NCOA1: variants seen among roughly 807,000 people sequenced by gnomAD.
NCOA1 encodes Hin-2 protein.
NCOA1 carries 35 observed loss-of-function variants against 150.9 expected under a neutral mutation model. The observed-to-expected ratio is 0.23, with a 90% CI of 0.18 to 0.31. NCOA1 has a LOEUF of 0.31. Among genes scored for constraint, NCOA1 ranks in the 10% least tolerant of loss-of-function variants. The pLI, the probability that NCOA1 is intolerant of heterozygous loss-of-function variation, is 1.00. For missense variants in NCOA1, 1,491 were observed against 1,749.3 expected (o/e 0.85, Z 2.63); for synonymous variants, 590 against 630.0 (o/e 0.94, Z 0.95).
chr2:24,756,996 A>G (rs1664537956), intron 20 of NCOA1, among the ~76,000 whole-genome samples: 1 of 152,194 alleles, frequency 6.6e-6, no homozygotes, highest in Non-Finnish European at 1.5e-5. Flanking sequence ...AAGACCTTGG[A>G]AGTCTTTAAA....
At chr2:24,691,432 G>T in intron 8 of NCOA1, 49 bp from the exon 9 acceptor site, 1 of 1,557,240 alleles carries the variant, frequency 6.4e-7, no homozygotes, top group Middle Eastern at 1.7e-4. Context: ...TTCAGAGTTT[G>T]TGCTTTTTCA....
intron 1 of NCOA1, among the ~76,000 whole-genome samples, chr2:24,521,954 C>T (rs1446184940): frequency 6.6e-6 from 1 of 152,068 alleles, no homozygotes; most frequent in African/African-American, 2.4e-5. Context: ...GTCTAGTATC[C>T]TCATCCCCTT....
At chr2:24,642,458 C>G (rs1670276929) in intron 3 of NCOA1, among the ~76,000 whole-genome samples, 1 of 151,892 alleles carries the variant, frequency 6.6e-6, no homozygotes, top group Non-Finnish European at 1.5e-5. Flanking sequence ...TCTGGAGTTA[C>G]ATTTTCTACC....
chr2:24,748,860 GATGTA>G (rs893538845), intron 19 of NCOA1, among the ~76,000 whole-genome samples: 25 of 152,208 alleles, frequency 1.6e-4, no homozygotes, highest in African/African-American at 5.8e-4. Context: ...ACATGTTTGT[GATGTA>G]ATGTTGAGGG....
chr2:24,505,281 G>A (rs536042558), intron 1 of NCOA1, among the ~76,000 whole-genome samples: 141 of 151,938 alleles, frequency 9.3e-4, no homozygotes, highest in Non-Finnish European at 1.3e-3. Context: ...CCGCCTCCTG[G>A]GTTCAAGCGA....
At chr2:24,500,249 C>T (rs568796738) in intron 1 of NCOA1, among the ~76,000 whole-genome samples, 1 of 152,298 alleles carries the variant, frequency 6.6e-6, no homozygotes, top group African/African-American at 2.4e-5. Flanking sequence ...GCTGGGATTA[C>T]AGGCATGTGC....
chr2:24,760,870 CAG>C (rs1342531698), intron 21 of NCOA1, among the ~76,000 whole-genome samples: 2 of 150,666 alleles, frequency 1.3e-5, no homozygotes, highest in East Asian at 4.0e-4. Context: ...TTTTTTGAGA[CAG>C]AGTCTCACTC....
At chr2:24,746,132 T>C (rs1285123604) in intron 19 of NCOA1, among the ~76,000 whole-genome samples, 1 of 152,252 alleles carries the variant, frequency 6.6e-6, no homozygotes, top group African/African-American at 2.4e-5. Context: ...TCACAGTGAA[T>C]AGATGCTTAA....
intron 7 of NCOA1, among the ~76,000 whole-genome samples, chr2:24,674,127 G>A (rs1572573903): frequency 7.1e-6 from 1 of 141,122 alleles, no homozygotes; most frequent in African/African-American, 2.5e-5. Flanking sequence ...GTATGTATGT[G>A]TGTGTGTGTG....
intron 3 of NCOA1, among the ~76,000 whole-genome samples, chr2:24,643,619 A>T (rs1439457877): frequency 6.6e-6 from 1 of 152,214 alleles, no homozygotes; most frequent in Non-Finnish European, 1.5e-5. Flanking sequence ...AACTGAAAAC[A>T]TGAAAAAAAT....
intron 1 of NCOA1, among the ~76,000 whole-genome samples, chr2:24,553,596 A>G (rs1422425116): frequency 6.6e-6 from 1 of 152,034 alleles, no homozygotes; most frequent in African/African-American, 2.4e-5. Flanking sequence ...ACATTGATGG[A>G]TTTTCTTTCA....
intron 1 of NCOA1, among the ~76,000 whole-genome samples, chr2:24,515,109 T>G (rs1451248723): frequency 6.6e-6 from 1 of 152,370 alleles, no homozygotes; most frequent in East Asian, 1.9e-4. Flanking sequence ...TAAAAAAGAT[T>G]ATTTTTGTTT....
intron 7 of NCOA1, among the ~76,000 whole-genome samples, chr2:24,681,469 GTAT>G (rs1672164378): frequency 6.9e-6 from 1 of 144,784 alleles, no homozygotes; most frequent in African/African-American, 2.9e-5. Flanking sequence ...GTCATTTTCA[GTAT>G]CACGTCATTT....
At chr2:24,754,148 A>G (rs538769274) in intron 20 of NCOA1, among the ~76,000 whole-genome samples, 1 of 152,110 alleles carries the variant, frequency 6.6e-6, no homozygotes, top group Non-Finnish European at 1.5e-5. Context: ...GCAAGCCACA[A>G]TCATCTTTTC....
intron 14 of NCOA1, among the ~76,000 whole-genome samples, chr2:24,721,445 A>G (rs1674353666): frequency 6.6e-6 from 1 of 152,166 alleles, no homozygotes; most frequent in Admixed American, 6.5e-5. Context: ...ACTGGTAGCT[A>G]GTGTATTTCT....
At chr2:24,600,270 A>T (rs1458097046) in intron 3 of NCOA1, among the ~76,000 whole-genome samples, 1 of 152,178 alleles carries the variant, frequency 6.6e-6, no homozygotes, top group East Asian at 1.9e-4. Flanking sequence ...TGGTGGTGCA[A>T]TGTTGGCTCA....
chr2:24,627,091 T>C (rs1290015023), intron 3 of NCOA1, among the ~76,000 whole-genome samples: 1 of 151,200 alleles, frequency 6.6e-6, no homozygotes, highest in Non-Finnish European at 1.5e-5. Flanking sequence ...TCCTTACTAA[T>C]GTTTAATACC....
At chr2:24,628,852 A>G (rs1027348913) in intron 3 of NCOA1, among the ~76,000 whole-genome samples, 5 of 152,198 alleles carry the variant, frequency 3.3e-5, no homozygotes, top group Admixed American at 1.3e-4. Context: ...TGGTTAAAGC[A>G]TAGTATGCTT....
intron 8 of NCOA1, among the ~76,000 whole-genome samples, chr2:24,684,653 TA>T (rs1392100931): frequency 6.6e-6 from 1 of 152,240 alleles, no homozygotes; most frequent in Non-Finnish European, 1.5e-5. Flanking sequence ...GCTACAGAGA[TA>T]TCTTTCTCTC....
Sources: gnomAD v4.1 joint callset for allele counts (sites outside exome capture counted in the v4.1 genomes callset) on GRCh38, gnomAD v4.1.1 for gene constraint, MANE v1.5 for transcripts, NCBI Gene and HGNC (gene_info 2026-07-23, HGNC 2026-07-21) for gene names.